Variants in GRAMD1C observed in about 807,000 individuals in gnomAD.
GRAMD1C encodes the protein protein Aster-C.
GRAMD1C carries 89 observed loss-of-function variants against 97.8 expected under a neutral mutation model. The ratio of observed to expected loss-of-function variants is 0.91; its 90% confidence interval spans 0.77 to 1.09. The LOEUF (loss-of-function observed/expected upper bound fraction) is 1.09, where lower values mean the gene tolerates loss of function less well. Ranked by LOEUF, GRAMD1C falls within the 50% of genes least tolerant of loss-of-function variation. The pLI, the probability that GRAMD1C is intolerant of heterozygous loss-of-function variation, is 0.00. For synonymous variants in GRAMD1C, 256 were observed against 267.0 expected (o/e 0.96, Z 0.40); for missense variants, 740 against 766.4 (o/e 0.97, Z 0.41).
chr3:113,892,358 G>C (rs1935766428), intron 6 of GRAMD1C, among the ~76,000 whole-genome samples: 1 of 152,116 alleles, frequency 6.6e-6, no homozygotes, highest in African/African-American at 2.4e-5. Context: ...TGTAGTCCCA[G>C]CTACTCGGGA....
chr3:113,943,735 G>A (rs775017560), intron 17 of GRAMD1C, among the ~76,000 whole-genome samples: 2 of 152,072 alleles, frequency 1.3e-5, no homozygotes, highest in African/African-American at 2.4e-5. Flanking sequence ...GCAACTTGGC[G>A]AAACCCCGTC....
At chr3:113,879,159 C>T (rs573056259) in intron 5 of GRAMD1C, among the ~76,000 whole-genome samples, 2 of 151,596 alleles carry the variant, frequency 1.3e-5, no homozygotes, top group South Asian at 2.1e-4. Flanking sequence ...GAGTCGAGAC[C>T]GCGCCACTGC....
At chr3:113,897,869 A>AC in intron 6 of GRAMD1C, 1 of 366,486 alleles carries the variant, frequency 2.7e-6, no homozygotes, top group Non-Finnish European at 3.8e-6. Context: ...ACTAAGGTAG[A>AC]TTATTTTTGC....
chr3:113,838,579 A>G (rs950688088), upstream of GRAMD1C: 45 of 260,328 alleles, frequency 1.7e-4, no homozygotes, highest in Non-Finnish European at 2.1e-4. Context: ...CCGTCTCAAA[A>G]AAAAAAAAAA....
chr3:113,876,136 T>C (rs1258568763), intron 4 of GRAMD1C, 29 bp from the exon 5 acceptor site: 2 of 1,040,272 alleles, frequency 1.9e-6, no homozygotes, highest in Non-Finnish European at 1.5e-6. Context: ...TTCTGAAAAA[T>C]ACATTAAAAA....
chr3:113,871,204 C>A (rs1250080233), intron 3 of GRAMD1C, among the ~76,000 whole-genome samples: 1 of 151,968 alleles, frequency 6.6e-6, no homozygotes, highest in Non-Finnish European at 1.5e-5. Flanking sequence ...AGGGCTAAAT[C>A]ATTATTTGTG....
intron 9 of GRAMD1C, among the ~76,000 whole-genome samples, chr3:113,915,012 C>A (rs1276316022): frequency 2.0e-5 from 3 of 152,104 alleles, no homozygotes; most frequent in African/African-American, 7.2e-5. Context: ...AATAGGTGAG[C>A]AAGATATTGC....
chr3:113,829,777 G>A lies in GRAMD1C; in HGVS notation n.98+1498G>A, dbSNP rs539742702. 2.7e-4 allele frequency among the ~76,000 whole-genome samples: 41 copies of A among 152,060 alleles called. 1 individual carries two copies. Among genetic ancestry groups the A allele is most frequent in the Admixed American group, 2.4e-3 (37 of 15,258 alleles). ...AACTGGGATATGTTCTGAGAAATGC[G>A]TCATTAGGCAATTTTGCTGTTGTGC... On this transcript the variant is annotated intron_variant and non_coding_transcript_variant, in intron 1 of 18. Coordinates refer to the GRAMD1C transcript ENST00000479212.
At chr3:113,876,310 C>A in intron 5 of GRAMD1C, 50 bp downstream of exon 5, 1 of 876,080 alleles carries the variant, frequency 1.1e-6, no homozygotes, top group African/African-American at 1.7e-5. Context: ...AGAAAATCTC[C>A]CTCATACTCA....
Position 113,945,445 on chromosome 3 carries a change from T to C in GRAMD1C, c.1956T>C (p.Asn652=), listed in dbSNP as rs746450630. Residue 652 remains asparagine (N), a synonymous_variant, in exon 18 of 18, where the codon AAT becomes AAC. Coordinates refer to ENST00000358160, the MANE Select transcript of GRAMD1C (RefSeq NM_017577.5). ...IMLQKTFDLL[N]KNKTGMAVES ...TTCAGAAAACGTTTGATCTACTAAA[T>C]AAGAATAAGACTGGCATGGCTGTTG... is the stretch of plus-strand genomic sequence containing the variant. 4 of 1,597,726 alleles carry C rather than the reference T, an allele frequency of 2.5e-6. No homozygotes were observed. The African/African-American group carries it at 4.0e-5, about 16-fold the overall frequency.
chr3:113,887,433 G>A (rs1935548994), intron 6 of GRAMD1C, among the ~76,000 whole-genome samples: 1 of 151,736 alleles, frequency 6.6e-6, no homozygotes, highest in Non-Finnish European at 1.5e-5. Context: ...GGGCACTGTG[G>A]CTTACGCCTG....
chr3:113,935,057 C>A (rs148784077), intron 13 of GRAMD1C, among the ~76,000 whole-genome samples: 24 of 152,280 alleles, frequency 1.6e-4, no homozygotes, highest in African/African-American at 5.8e-4. Flanking sequence ...CAAACACTTA[C>A]ATAATGCTTA....
chr3:113,903,991 T>A (rs1175672181), intron 7 of GRAMD1C, 149 bp from the exon 8 acceptor site: 2 of 515,716 alleles, frequency 3.9e-6, no homozygotes, highest in African/African-American at 3.9e-5. Flanking sequence ...GAAGATAGCC[T>A]TGTTATAAGT....
At chr3:113,938,024 A>T (rs1208433769) in intron 14 of GRAMD1C, 62 bp from the exon 15 acceptor site, 4 of 865,634 alleles carry the variant, frequency 4.6e-6, no homozygotes, top group Non-Finnish European at 7.0e-6. Context: ...AAAAAAAAAA[A>T]ATTTGGATCA....
intron 3 of GRAMD1C, among the ~76,000 whole-genome samples, chr3:113,874,052 A>G (rs961644513): frequency 6.6e-6 from 1 of 152,328 alleles, no homozygotes; most frequent in Middle Eastern, 3.4e-3. Context: ...TGATGGAAGC[A>G]TTGTGAAAGA....
intron 2 of GRAMD1C, among the ~76,000 whole-genome samples, chr3:113,852,975 C>T (rs1933972563): frequency 6.6e-6 from 1 of 152,134 alleles, no homozygotes; most frequent in African/African-American, 2.4e-5. Context: ...GGATTTAGTA[C>T]TCTATAAGTG....
intron 2 of GRAMD1C, among the ~76,000 whole-genome samples, chr3:113,867,781 T>C (rs1375363166): frequency 6.6e-6 from 1 of 152,252 alleles, no homozygotes; most frequent in African/African-American, 2.4e-5. Flanking sequence ...TCTCTGTGTT[T>C]ATCCTGCTTG....
chr3:113,923,269 G>A (rs926099267), intron 10 of GRAMD1C, among the ~76,000 whole-genome samples: 7 of 151,958 alleles, frequency 4.6e-5, no homozygotes, highest in Non-Finnish European at 5.9e-5. Context: ...TCTTTCCCTT[G>A]CCTGATTGTT....
intron 5 of GRAMD1C, among the ~76,000 whole-genome samples, chr3:113,882,363 A>G (rs1935301547): frequency 6.6e-6 from 1 of 152,162 alleles, no homozygotes; most frequent in Admixed American, 6.6e-5. Flanking sequence ...TCCTTTGTGT[A>G]TACTTGGCTC....
Sources: allele counts gnomAD v4.1 joint callset (sites outside exome capture counted in the v4.1 genomes callset), GRCh38; gene constraint gnomAD v4.1.1; transcripts MANE v1.5; gene names NCBI Gene and HGNC (gene_info 2026-07-23, HGNC 2026-07-21).